SORCS3: variants seen among roughly 807,000 people sequenced by gnomAD.
The protein encoded by SORCS3 is VPS10 domain-containing receptor SorCS3.
In SORCS3, 57 loss-of-function variants were observed where a neutral mutation model predicts 146.3. The observed-to-expected ratio is 0.39, with a 90% confidence interval of 0.31 to 0.49. SORCS3 has a LOEUF of 0.49. SORCS3 is among the 20% of genes least tolerant of loss of function. The pLI is 0.92. For synonymous variants in SORCS3, 653 were observed against 618.5 expected (o/e 1.06, Z -0.83); for missense variants, 1,341 against 1,575.5 (o/e 0.85, Z 2.52).
intron 1 of SORCS3, among the ~76,000 whole-genome samples, chr10:104,774,441 G>A (rs779987716): frequency 6.6e-6 from 1 of 152,196 alleles, no homozygotes; most frequent in Non-Finnish European, 1.5e-5. Context: ...GAAAGGGGAA[G>A]CAGTGTTGTC....
At chr10:104,761,525 C>T (rs1490169) in intron 1 of SORCS3, among the ~76,000 whole-genome samples, 39,582 of 151,966 alleles carry the variant, frequency 0.26, 5,241 homozygotes, top group South Asian at 0.33. Context: ...TTCCATCCCC[C>T]ACCCCAAACC....
At chr10:104,765,151 C>T (rs953217050) in intron 1 of SORCS3, among the ~76,000 whole-genome samples, 5 of 152,146 alleles carry the variant, frequency 3.3e-5, no homozygotes, top group Non-Finnish European at 7.3e-5. Context: ...CTTTGGACCC[C>T]GTGGAACCTA....
intron 2 of SORCS3, among the ~76,000 whole-genome samples, chr10:104,876,727 C>T (rs1257876947): frequency 8.8e-6 from 1 of 114,242 alleles, no homozygotes; most frequent in Non-Finnish European, 1.8e-5. Flanking sequence ...TCCTTCCTTC[C>T]TTCCTTCCTT....
chr10:104,733,210 T>C (rs998558927), intron 1 of SORCS3, among the ~76,000 whole-genome samples: 4 of 151,978 alleles, frequency 2.6e-5, no homozygotes, highest in African/African-American at 9.7e-5. Flanking sequence ...CATGTACTAC[T>C]CTCCCTTAGC....
chr10:104,668,513 T>C (rs977101738), intron 1 of SORCS3, among the ~76,000 whole-genome samples: 2 of 152,172 alleles, frequency 1.3e-5, no homozygotes, highest in African/African-American at 4.8e-5. Context: ...TGTCTTCATA[T>C]ACAAAATAGG....
At chr10:104,749,221 T>C (rs1042188075) in intron 1 of SORCS3, among the ~76,000 whole-genome samples, 23 of 145,532 alleles carry the variant, frequency 1.6e-4, no homozygotes, top group African/African-American at 6.2e-4. Flanking sequence ...CTGTGCAAAG[T>C]ATAGGGTGTG....
At chr10:105,126,696 T>G (rs1241678720) in intron 7 of SORCS3, among the ~76,000 whole-genome samples, 1 of 152,180 alleles carries the variant, frequency 6.6e-6, no homozygotes, top group African/African-American at 2.4e-5. Flanking sequence ...AGCCCTCTGC[T>G]AGCTGTGTGA....
intron 2 of SORCS3, among the ~76,000 whole-genome samples, chr10:104,912,067 C>T (rs901898640): frequency 6.6e-6 from 1 of 152,172 alleles, no homozygotes; most frequent in Non-Finnish European, 1.5e-5. Context: ...CCCTGTCTTT[C>T]CCCTACTGCA....
At chr10:104,840,498 C>T (rs1041550652) in intron 1 of SORCS3, among the ~76,000 whole-genome samples, 5 of 152,170 alleles carry the variant, frequency 3.3e-5, no homozygotes, top group African/African-American at 1.2e-4. Flanking sequence ...TAGGTTTCTC[C>T]CCTACTAGAC....
intron 5 of SORCS3, among the ~76,000 whole-genome samples, chr10:105,053,648 AAAATTT>A (rs1304754900): frequency 6.6e-6 from 1 of 151,964 alleles, no homozygotes; most frequent in Non-Finnish European, 1.5e-5. Context: ...TATTGTTGAT[AAAATTT>A]TATATCTTTT....
chr10:104,923,946 A>T (rs1311559943), intron 3 of SORCS3, among the ~76,000 whole-genome samples: 1 of 152,192 alleles, frequency 6.6e-6, no homozygotes, highest in Non-Finnish European at 1.5e-5. Context: ...TGTGCTGAAA[A>T]TTATCCTAAA....
chr10:105,147,611 T>C lies in SORCS3; in HGVS notation c.1303-6T>C. On this transcript the variant is annotated splice_region_variant and splice_polypyrimidine_tract_variant and intron_variant, in intron 8 of 26. Coordinates refer to ENST00000369701, the MANE Select transcript of SORCS3 (RefSeq NM_014978.3). ...GCTGCCTTACAAGCCTTCCATCTTC[T>C]TTCAGGACATGCACATCATCAGTAC... is the stretch of plus-strand genomic sequence containing the variant. 1 of 1,602,798 alleles carries C rather than the reference T, an allele frequency of 6.2e-7. No individual in the cohort carries two copies. The highest frequency in any genetic ancestry group is 1.7e-5 in the Admixed American group (1 of 59,106).
At chr10:105,042,772 C>T (rs2055345831) in intron 4 of SORCS3, among the ~76,000 whole-genome samples, 1 of 152,140 alleles carries the variant, frequency 6.6e-6, no homozygotes. Flanking sequence ...AGCACAGAAT[C>T]TGCCTCTTCT....
At chr10:104,822,099 C>T (rs2017880311) in intron 1 of SORCS3, 1 of 518,326 alleles carries the variant, frequency 1.9e-6, no homozygotes, top group Non-Finnish European at 3.9e-6. Flanking sequence ...CTGACCAGCT[C>T]CTCTGTGATT....
intron 24 of SORCS3, 44 bp from the exon 25 acceptor site, chr10:105,256,775 A>G (rs778626482): frequency 2.7e-6 from 4 of 1,480,572 alleles, no homozygotes; most frequent in Non-Finnish European, 1.9e-6. Flanking sequence ...ACAGCTTCCA[A>G]GTGAGCATAT....
At chr10:105,115,353 T>C (rs1000628346) in intron 7 of SORCS3, among the ~76,000 whole-genome samples, 11 of 152,282 alleles carry the variant, frequency 7.2e-5, no homozygotes, top group African/African-American at 2.6e-4. Flanking sequence ...AATGCAAGAA[T>C]TGAGAGACTA....
chr10:104,947,879 T>G (rs1445213108), intron 3 of SORCS3, among the ~76,000 whole-genome samples: 1 of 152,164 alleles, frequency 6.6e-6, no homozygotes, highest in African/African-American at 2.4e-5. Context: ...CCTCCCAAAG[T>G]GCTGGGATTA....
chr10:104,668,110 T>C (rs573705009), intron 1 of SORCS3, among the ~76,000 whole-genome samples: 1 of 152,348 alleles, frequency 6.6e-6, no homozygotes, highest in East Asian at 1.9e-4. Flanking sequence ...ATGAGCACCT[T>C]GCTGGTTGGA....
intron 2 of SORCS3, among the ~76,000 whole-genome samples, chr10:104,870,450 T>C (rs2018507310): frequency 6.8e-6 from 1 of 146,768 alleles, no homozygotes; most frequent in East Asian, 2.0e-4. Flanking sequence ...TTTTTTTTTT[T>C]CTTGTTAACA....
Sources: gnomAD v4.1 joint callset for allele counts (sites outside exome capture counted in the v4.1 genomes callset) on GRCh38, gnomAD v4.1.1 for gene constraint, MANE v1.5 for transcripts, NCBI Gene and HGNC (gene_info 2026-07-23, HGNC 2026-07-21) for gene names.